MCHR2: variants seen among roughly 807,000 people sequenced by gnomAD.
MCHR2 encodes melanin-concentrating hormone receptor 2.
A neutral mutation model predicts 24.8 loss-of-function variants in MCHR2; 15 were observed. The observed-to-expected ratio is 0.60, with a 90% CI of 0.40 to 0.93. MCHR2 has a LOEUF of 0.93. Among genes scored for constraint, MCHR2 ranks in the 40% least tolerant of loss-of-function variants. The probability of loss-of-function intolerance (pLI) is 0.00; values close to 1 mark genes in which losing one functional copy is unlikely to be tolerated. For synonymous variants in MCHR2, 151 were observed against 147.6 expected, an observed-to-expected ratio of 1.02 and a Z score of -0.17; for missense variants, 386 against 408.7, an observed-to-expected ratio of 0.94 and a Z score of 0.48.
intron 3 of MCHR2, among the ~76,000 whole-genome samples, chr6:99,944,746 AG>A (rs1198990509): frequency 1.3e-5 from 2 of 152,176 alleles, no homozygotes; most frequent in African/African-American, 4.8e-5. Flanking sequence ...CAAGCAATTA[AG>A]GAATCTTCTC....
intron 1 of MCHR2, among the ~76,000 whole-genome samples, chr6:99,973,122 G>A (rs1248035991): frequency 3.7e-4 from 56 of 151,446 alleles, no homozygotes; most frequent in Admixed American, 3.7e-3. Context: ...TATCCTTGTT[G>A]ACTTTCTGTC....
intron 1 of MCHR2, among the ~76,000 whole-genome samples, chr6:99,982,788 T>C (rs1334057905): frequency 1.3e-5 from 2 of 152,058 alleles, no homozygotes; most frequent in African/African-American, 4.8e-5. Flanking sequence ...AAACATTAGA[T>C]GTTAGGAAAA....
rs1285191208 is a variant in MCHR2 at position 99,934,463 on chromosome 6, CA to C, written c.641del (p.Leu214TrpfsTer6). ...TTFFFPLPLI[L>X]VCYILILCYT... The stretch of plus-strand genomic sequence containing the variant: ...AGCATAAAATTAAAATATAGCACAC[CA>C]AAATCAAGGGTAGAGGGAAAAAAAA... On this transcript the variant is annotated frameshift_variant, in exon 5 of 6. Coordinates refer to ENST00000281806, the MANE Select transcript of MCHR2 (RefSeq NM_001040179.2). LOFTEE classifies it high-confidence loss of function. 1 of 1,601,480 alleles carries C rather than the reference CA, an allele frequency of 6.2e-7. No homozygotes were observed. The highest frequency in any genetic ancestry group is 8.5e-7 in the Non-Finnish European group (1 of 1,174,410).
intron 2 of MCHR2, among the ~76,000 whole-genome samples, chr6:99,948,919 C>G (rs982455026): frequency 1.3e-5 from 2 of 152,038 alleles, no homozygotes; most frequent in African/African-American, 4.8e-5. Flanking sequence ...TGAGAGTCAT[C>G]TGAAAAGAGG....
chr6:99,972,110 T>G (rs1181371812), intron 1 of MCHR2, among the ~76,000 whole-genome samples: 3 of 152,240 alleles, frequency 2.0e-5, no homozygotes, highest in Non-Finnish European at 2.9e-5. Context: ...CTTTTTCTAT[T>G]GATTGGAATA....
intron 1 of MCHR2, among the ~76,000 whole-genome samples, chr6:99,965,515 TTTTAAAAAGTCAAAA>T (rs1342587101): frequency 6.6e-6 from 1 of 152,200 alleles, no homozygotes; most frequent in African/African-American, 2.4e-5. Context: ...GATGTGGCTC[TTTTAAAAAGTCAAAA>T]TGATTAATTT....
Position 99,938,072 on chromosome 6 carries a change from T to C in MCHR2, c.588-3555A>G, listed in dbSNP as rs2114513564. Among the ~76,000 whole-genome samples, 2 of 152,090 alleles carry C rather than the reference T, an allele frequency of 1.3e-5. 1 individual carries two copies. Among genetic ancestry groups the C allele is most frequent in the South Asian group, 4.1e-4 (2 of 4,820 alleles). ...TATGTTTCCCTTTTTGTTTCTGATT[T>C]TGTTTATTTGGAACTTCTCTGTTTT... On this transcript the variant is annotated intron_variant, in intron 4 of 5. Transcript: ENST00000281806.
intron 1 of MCHR2, among the ~76,000 whole-genome samples, chr6:99,986,136 C>G (rs890607673): frequency 6.6e-6 from 1 of 151,946 alleles, no homozygotes; most frequent in Non-Finnish European, 1.5e-5. Flanking sequence ...ACCACTTATA[C>G]CAGCCAGAAT....
chr6:99,957,001 G>A (rs1775076850), intron 1 of MCHR2, among the ~76,000 whole-genome samples: 1 of 151,846 alleles, frequency 6.6e-6, no homozygotes, highest in Admixed American at 6.6e-5. Flanking sequence ...TGTGTATACA[G>A]CAACTTAAAA....
intron 5 of MCHR2, among the ~76,000 whole-genome samples, chr6:99,926,195 T>C (rs1197510509): frequency 6.6e-6 from 1 of 152,196 alleles, no homozygotes; most frequent in African/African-American, 2.4e-5. Context: ...TAGTATTCCA[T>C]GGTGTATATG....
chr6:99,964,985 A>G (rs994134986), intron 1 of MCHR2, among the ~76,000 whole-genome samples: 5 of 152,272 alleles, frequency 3.3e-5, no homozygotes, highest in Admixed American at 1.3e-4. Context: ...AAAAATATAA[A>G]GAAAAGCAAA....
At chr6:99,976,315 CTA>C (rs1191988548) in intron 1 of MCHR2, among the ~76,000 whole-genome samples, 2 of 152,150 alleles carry the variant, frequency 1.3e-5, no homozygotes, top group Non-Finnish European at 2.9e-5. Flanking sequence ...CCTTAGGAAA[CTA>C]TGTGATTTTT....
chr6:99,935,080 G>A (rs1275320540), intron 4 of MCHR2, among the ~76,000 whole-genome samples: 1 of 151,824 alleles, frequency 6.6e-6, no homozygotes, highest in African/African-American at 2.4e-5. Context: ...AACAATTTTC[G>A]CTGATGCATA....
chr6:99,974,262 T>C (rs1775499581), intron 1 of MCHR2, among the ~76,000 whole-genome samples: 1 of 136,868 alleles, frequency 7.3e-6, no homozygotes, highest in African/African-American at 2.5e-5. Context: ...TTTGTTTCTT[T>C]TTATTCTTTT....
At chr6:99,934,254 CA>C (rs1455116110) in intron 5 of MCHR2, 143 bp downstream of exon 5, 4 of 752,976 alleles carry the variant, frequency 5.3e-6, no homozygotes, top group African/African-American at 3.6e-5. Flanking sequence ...TCTTATTTTC[CA>C]AAAATTTTTT....
At chr6:99,958,572 A>G (rs897251033) in intron 1 of MCHR2, among the ~76,000 whole-genome samples, 1 of 152,168 alleles carries the variant, frequency 6.6e-6, no homozygotes, top group African/African-American at 2.4e-5. Flanking sequence ...GACACCATCA[A>G]GATGGTAAAA....
At chr6:99,989,119 C>A (rs926152465) in intron 1 of MCHR2, among the ~76,000 whole-genome samples, 1 of 152,154 alleles carries the variant, frequency 6.6e-6, no homozygotes, top group African/African-American at 2.4e-5. Flanking sequence ...GGTCTAAGAT[C>A]ATATGAAATA....
chr6:99,943,278 A>G (rs1369841781), intron 3 of MCHR2, 135 bp from the exon 4 acceptor site: 2 of 299,604 alleles, frequency 6.7e-6, no homozygotes, highest in Middle Eastern at 1.1e-3. Flanking sequence ...GGCAAAAGAA[A>G]GTTTTATATA....
chr6:99,964,418 AAG>A (rs1260056436), intron 1 of MCHR2, among the ~76,000 whole-genome samples: 2 of 152,144 alleles, frequency 1.3e-5, no homozygotes, highest in African/African-American at 4.8e-5. Flanking sequence ...TTATAAAGGA[AAG>A]AGGTTTAGTT....
Sources: allele counts gnomAD v4.1 joint callset (sites outside exome capture counted in the v4.1 genomes callset), GRCh38; gene constraint gnomAD v4.1.1; transcripts MANE v1.5; gene names NCBI Gene and HGNC (gene_info 2026-07-23, HGNC 2026-07-21).